OR13A1: variants seen among roughly 807,000 people sequenced by gnomAD.
OR13A1 encodes olfactory receptor 13A1.
A neutral mutation model predicts 7.5 loss-of-function variants in OR13A1; 10 were observed. The ratio of observed to expected loss-of-function variants is 1.34; its 90% CI spans 0.83 to 2.27. The LOEUF is 2.27. OR13A1 is among the 30% of genes most tolerant of loss of function. OR13A1 has a pLI of 0.00. For synonymous variants in OR13A1, 238 were observed against 177.9 expected (o/e 1.34, Z -2.69); for missense variants, 509 against 419.1 (o/e 1.21, Z -1.87).
chr10:45,305,407 G>A (rs1207438580), intron 3 of OR13A1, among the ~76,000 whole-genome samples: 1 of 152,140 alleles, frequency 6.6e-6, no homozygotes, highest in East Asian at 1.9e-4. Context: ...GTTTGTATAT[G>A]CACCTGTAGG....
At chr10:45,311,321 T>G (rs187516759) in intron 1 of OR13A1, among the ~76,000 whole-genome samples, 7 of 152,330 alleles carry the variant, frequency 4.6e-5, no homozygotes, top group Admixed American at 2.0e-4. Flanking sequence ...GAAATACCAT[T>G]GTATCAGAGC....
rs1293350089 is a variant in OR13A1, at chr10:45,303,330, G to C, written c.*106C>G. ...CCCAGCTCATCCATGCACAGGTTCT[G>C]CTGGGTTAGAAAAAACAAGTCTATT... is the stretch of plus-strand genomic sequence containing the variant. On this transcript the variant is annotated 3_prime_UTR_variant, in exon 4 of 4. Coordinates refer to ENST00000553795, the MANE Select transcript of OR13A1 (RefSeq NM_001004297.3). The C allele has an allele frequency of 1.2e-5, 15 of 1,210,820 alleles. No homozygotes were observed. The South Asian group carries it at 1.6e-4, about 13-fold the overall frequency. The allele number at this position is 1,210,820 out of a possible 1,614,324, so 75.0% of individuals were successfully genotyped here.
At chr10:45,306,941 CTG>C (rs1838342876) in intron 3 of OR13A1, among the ~76,000 whole-genome samples, 1 of 152,190 alleles carries the variant, frequency 6.6e-6, no homozygotes, top group South Asian at 2.1e-4. Context: ...GAAGAAATAA[CTG>C]TAACTTTATT....
rs538963825 is a variant in OR13A1, at chr10:45,312,237, AC to A, written c.-225+3286del. ...TTTCTAAATGTAATGAAAAATATAAACCTACAGACTTAATAAGCTCAATGAA... is the reference window on the plus strand; with the variant it reads ...TTTCTAAATGTAATGAAAAATATAAACTACAGACTTAATAAGCTCAATGAA... On this transcript the variant is annotated intron_variant, in intron 1 of 3. Transcript: ENST00000553795. Among the ~76,000 whole-genome samples the A allele has an allele frequency of 2.9e-3, 439 of 152,236 alleles. 3 individuals carry two copies. The Middle Eastern group carries it at 0.041, about 14-fold the overall frequency.
In OR13A1 at chr10:45,304,170, C is replaced by T; in HGVS notation, c.253G>A (p.Ala85Thr). Residue 85 changes from alanine (A) to threonine (T), a missense_variant, in exon 4 of 4, where the codon GCT becomes ACT. By Grantham distance (58) the Ala-to-Thr change is moderately conservative. Transcript: ENST00000553795. Reference protein sequence around the residue: ...APMYFFLLNLATMDIICTSSI... With the variant: ...APMYFFLLNLTTMDIICTSSI... ...GAGGTGCAGATAATGTCCATAGTAG[C>T]CAAGTTGAGTAAGAAAAAGTACATA... is the stretch of plus-strand genomic sequence containing the variant. 1.2e-6 allele frequency: 2 copies of T among 1,614,156 alleles called. No homozygotes were observed. Among genetic ancestry groups the T allele is most frequent in the Admixed American group, 1.7e-5 (1 of 60,022 alleles).
At chr10:45,314,962 C>A (rs1280841534) in intron 1 of OR13A1, among the ~76,000 whole-genome samples, 2 of 152,132 alleles carry the variant, frequency 1.3e-5, no homozygotes, top group Non-Finnish European at 2.9e-5. Context: ...GACTACCAAA[C>A]ATTTAAGGAA....
At chr10:45,311,423 C>T (rs1302157986) in intron 1 of OR13A1, among the ~76,000 whole-genome samples, 1 of 152,058 alleles carries the variant, frequency 6.6e-6, no homozygotes, top group Non-Finnish European at 1.5e-5. Flanking sequence ...TCTTGAGAAA[C>T]AAGCAAAAGA....
At chr10:45,306,464 A>C (rs1477828564) in intron 3 of OR13A1, among the ~76,000 whole-genome samples, 1 of 152,244 alleles carries the variant, frequency 6.6e-6, no homozygotes, top group Non-Finnish European at 1.5e-5. Flanking sequence ...AAAAAAAAAA[A>C]AAAAGTTAAC....
intron 3 of OR13A1, among the ~76,000 whole-genome samples, chr10:45,307,134 A>G (rs1402136520): frequency 6.6e-6 from 1 of 152,326 alleles, no homozygotes; most frequent in Non-Finnish European, 1.5e-5. Flanking sequence ...AGTGCATATT[A>G]CAAACGCACC....
Position 45,303,505 on chromosome 10 carries a change from G to A in OR13A1, c.918C>T (p.Leu306=), listed in dbSNP as rs1564532257. Residue 306 remains leucine (L), a synonymous_variant, in exon 4 of 4, where the codon CTC becomes CTT. Coordinates refer to ENST00000553795, the MANE Select transcript of OR13A1 (RefSeq NM_001004297.3). ...CCTCCTTGTTTCTCAAAGTATAGATGAGGGGGTTGAGGGTAGGACTCAGCA... is the reference window on the plus strand; with the variant it reads ...CCTCCTTGTTTCTCAAAGTATAGATAAGGGGGTTGAGGGTAGGACTCAGCA... ...YTVLSPTLNP[L]IYTLRNKEVK... 3.7e-6 allele frequency: 6 copies of A among 1,614,100 alleles called. No homozygotes were observed. The highest frequency in any genetic ancestry group is 1.1e-5 in the South Asian group (1 of 91,068).
chr10:45,310,797 T>A (rs770424317), intron 1 of OR13A1, among the ~76,000 whole-genome samples: 7 of 150,746 alleles, frequency 4.6e-5, no homozygotes, highest in Admixed American at 3.3e-4. Flanking sequence ...AGGGCGGAAG[T>A]GAAAAGAAGA....
chr10:45,303,254 G>T lies in OR13A1; in HGVS notation c.*182C>A, dbSNP rs1838243850. The stretch of plus-strand genomic sequence containing the variant: ...AGATCTGGTGTCTCAGAGGCTGGTG[G>T]GTCACACCTACCGCAATCCCCCCAT... On this transcript the variant is annotated 3_prime_UTR_variant, in exon 4 of 4. Transcript: ENST00000553795. The T allele has an allele frequency of 1.6e-6, 1 of 634,092 alleles. No homozygotes were observed. The highest frequency in any genetic ancestry group is 2.1e-5 in the South Asian group (1 of 46,810). 39.3% of individuals were successfully genotyped at this position (634,092 alleles called of 1,614,324 possible). A position where few individuals can be genotyped will look rare whatever the true frequency, so the allele number is the denominator to read the frequency against.
At chr10:45,313,569 A>C (rs1253448336) in intron 1 of OR13A1, among the ~76,000 whole-genome samples, 1 of 152,078 alleles carries the variant, frequency 6.6e-6, no homozygotes, top group Non-Finnish European at 1.5e-5. Context: ...AATGAAAAAA[A>C]GGAAAAGTAA....
At position 45,304,345 on chromosome 10, in the gene OR13A1, C is replaced by T. The variant is rs752859461; in HGVS notation, c.78G>A (p.Leu26=). ...AGCCCTGCAGGATGAACTCGGTTAC[C>T]AACGTCTGGTTACTCATCATCCTTG... is the stretch of plus-strand genomic sequence containing the variant. The part of the protein sequence containing the change: ...PSPRMMSNQT[L]VTEFILQGFS... The change falls in exon 4 of 4, where the codon TTG becomes TTA. Residue 26 remains leucine (L), a synonymous_variant. Transcript: ENST00000553795. 11 of 1,614,112 alleles carry T rather than the reference C, an allele frequency of 6.8e-6. No individual in the cohort carries two copies. Among genetic ancestry groups the T allele is most frequent in the South Asian group, 3.3e-5 (3 of 91,076 alleles).
intron 1 of OR13A1, among the ~76,000 whole-genome samples, chr10:45,310,998 T>G (rs1838432963): frequency 6.6e-6 from 1 of 152,198 alleles, no homozygotes; most frequent in Admixed American, 6.5e-5. Flanking sequence ...AGTTGTGGAA[T>G]GACTGACTGA....
intron 3 of OR13A1, 35 bp from the exon 4 acceptor site, chr10:45,304,469 C>G: frequency 1.3e-6 from 2 of 1,557,696 alleles, no homozygotes; most frequent in East Asian, 4.5e-5. Context: ...CTGAGGAAGG[C>G]TGCTCCCGTG....
chr10:45,311,819 G>T (rs1838452953), intron 1 of OR13A1, among the ~76,000 whole-genome samples: 1 of 152,024 alleles, frequency 6.6e-6, no homozygotes, highest in Non-Finnish European at 1.5e-5. Context: ...ATGTACCTCT[G>T]AACCTAAGGT....
At position 45,303,802 on chromosome 10, in the gene OR13A1, G is replaced by T. The variant is rs1564532637; in HGVS notation, c.621C>A (p.Cys207Ter). The change falls in exon 4 of 4, where the codon TGC becomes TGA. Residue 207 changes from cysteine to a stop codon, truncating the protein, a stop_gained. Coordinates refer to ENST00000553795, the MANE Select transcript of OR13A1 (RefSeq NM_001004297.3). LOFTEE classifies it low-confidence loss of function (END_TRUNC). ...TGACACCGTTGACGTAGGTGGAGCT[G>T]CAGGAGAGAAGCAGCAGGGGAGGGA... ...CEVPPLLLLS[C>*]SSTYVNGVMI... 1 of 1,613,680 alleles carries T rather than the reference G, an allele frequency of 6.2e-7. No individual in the cohort carries two copies. The highest frequency in any genetic ancestry group is 2.2e-5 in the East Asian group (1 of 44,888).
intron 3 of OR13A1, among the ~76,000 whole-genome samples, chr10:45,306,944 T>C (rs1838343013): frequency 6.6e-6 from 1 of 152,216 alleles, no homozygotes; most frequent in African/African-American, 2.4e-5. Context: ...GAAATAACTG[T>C]AACTTTATTT....
Sources: allele counts gnomAD v4.1 joint callset (sites outside exome capture counted in the v4.1 genomes callset), GRCh38; gene constraint gnomAD v4.1.1; transcripts MANE v1.5; gene names NCBI Gene and HGNC (gene_info 2026-07-23, HGNC 2026-07-21).